Variants in MLIP observed in about 807,000 individuals in gnomAD.
MLIP encodes muscular LMNA interacting protein.
Under a neutral mutation model 84.8 loss-of-function variants are expected in MLIP, and 79 were observed. The observed-to-expected ratio is 0.93, with a 90% CI of 0.78 to 1.12. The LOEUF is 1.12. Among genes scored for constraint, MLIP ranks in the 50% most tolerant of loss-of-function variants. The pLI, the probability that MLIP is intolerant of heterozygous loss-of-function variation, is 0.00. For synonymous variants in MLIP, 504 were observed against 463.0 expected (o/e 1.09, Z -1.14); for missense variants, 1,257 against 1,160.6 (o/e 1.08, Z -1.21).
At chr6:54,157,872 G>A (rs1199245556) in intron 5 of MLIP, among the ~76,000 whole-genome samples, 3 of 152,104 alleles carry the variant, frequency 2.0e-5, no homozygotes, top group African/African-American at 4.8e-5. Context: ...GTTATGGTAA[G>A]AAAGAAGCAA....
intron 1 of MLIP, among the ~76,000 whole-genome samples, chr6:54,025,745 C>T (rs1041727613): frequency 2.0e-5 from 2 of 101,392 alleles, no homozygotes; most frequent in Non-Finnish European, 5.4e-5. Context: ...CGTTAACTCC[C>T]CTAAGCTGCC....
Position 54,160,785 on chromosome 6 carries a change from T to G in MLIP, c.2485T>G (p.Ser829Ala), listed in dbSNP as rs1348760359. 1 of 1,605,898 alleles carries G rather than the reference T, an allele frequency of 6.2e-7. No homozygotes were observed. The highest frequency in any genetic ancestry group is 2.2e-5 in the East Asian group (1 of 44,714). The part of the protein sequence containing the change: ...PSRSPKTLLG[S>A]DTVKTPTTLP... ...AAGGTCCCCAAAGACATTGTTGGGT[T>G]CTGACACAGTCAAAGTATGTATGTA... Residue 829 changes from serine (S) to alanine (A), a missense_variant, in exon 8 of 14, where the codon TCT (serine) becomes GCT (alanine). By Grantham distance (99) the Ser-to-Ala change is moderately conservative. Coordinates refer to ENST00000502396, the MANE Select transcript of MLIP (RefSeq NM_001281747.2).
At chr6:54,070,813 G>A (rs926634648) in intron 1 of MLIP, among the ~76,000 whole-genome samples, 2 of 152,024 alleles carry the variant, frequency 1.3e-5, no homozygotes, top group African/African-American at 4.8e-5. Context: ...ATGAGAACAA[G>A]TGATATTTTG....
chr6:54,034,264 G>A (rs913503708), intron 1 of MLIP, among the ~76,000 whole-genome samples: 1 of 152,144 alleles, frequency 6.6e-6, no homozygotes, highest in African/African-American at 2.4e-5. Flanking sequence ...TGAAACCCCT[G>A]ATAATCACTA....
At chr6:54,237,983 AT>A (rs1234112956) in intron 12 of MLIP, among the ~76,000 whole-genome samples, 6 of 152,302 alleles carry the variant, frequency 3.9e-5, no homozygotes, top group Non-Finnish European at 8.8e-5. Context: ...GTGGGTTAAT[AT>A]TTTAAAATTG....
intron 5 of MLIP, among the ~76,000 whole-genome samples, chr6:54,157,971 A>G (rs572032075): frequency 6.6e-5 from 10 of 152,292 alleles, no homozygotes; most frequent in African/African-American, 2.4e-4. Flanking sequence ...CAAAATTTCC[A>G]GACAATATTT....
At chr6:54,148,954 C>G (rs1773152157) in intron 4 of MLIP, 102 bp from the exon 5 acceptor site, 8 of 891,114 alleles carry the variant, frequency 9.0e-6, no homozygotes, top group South Asian at 7.7e-5. Context: ...CCCTTTTCTT[C>G]ATTTGATAAC....
At chr6:54,215,061 T>C in intron 11 of MLIP, 2 of 1,006,228 alleles carry the variant, frequency 2.0e-6, no homozygotes, top group South Asian at 2.8e-5. Context: ...GACCCTGGTC[T>C]CTGCCTTTTT....
intron 11 of MLIP, among the ~76,000 whole-genome samples, chr6:54,205,570 A>G (rs377679876): frequency 2.0e-5 from 3 of 149,614 alleles, no homozygotes; most frequent in Non-Finnish European, 1.5e-5. Context: ...CCTGACAGAA[A>G]TGTATTTACT....
At chr6:54,228,114 C>CAA (rs1202531958) in intron 11 of MLIP, among the ~76,000 whole-genome samples, 1 of 120,142 alleles carries the variant, frequency 8.3e-6, no homozygotes, top group Non-Finnish European at 1.8e-5. Flanking sequence ...ACCCCGGAGG[C>CAA]GGAGCTTGCA....
intron 3 of MLIP, among the ~76,000 whole-genome samples, chr6:54,129,442 T>G (rs1391279321): frequency 6.6e-6 from 1 of 152,164 alleles, no homozygotes; most frequent in Non-Finnish European, 1.5e-5. Context: ...ATCCTCCTTT[T>G]CACATGATCT....
At chr6:54,187,791 T>C (rs1777537231) in intron 9 of MLIP, among the ~76,000 whole-genome samples, 1 of 152,122 alleles carries the variant, frequency 6.6e-6, no homozygotes, top group African/African-American at 2.4e-5. Flanking sequence ...AGCATCAAAG[T>C]GTATATACCA....
intron 12 of MLIP, among the ~76,000 whole-genome samples, chr6:54,243,616 C>T (rs545329255): frequency 6.6e-6 from 1 of 152,210 alleles, no homozygotes; most frequent in Non-Finnish European, 1.5e-5. Context: ...TATGAAGAAA[C>T]TGAGGCTCAG....
At chr6:54,186,061 C>G (rs562281579) in intron 9 of MLIP, among the ~76,000 whole-genome samples, 138 of 152,268 alleles carry the variant, frequency 9.1e-4, no homozygotes, top group African/African-American at 3.2e-3. Context: ...ACCCAGAAAA[C>G]AAACATTGTT....
chr6:54,151,992 A>G (rs1418383165), intron 5 of MLIP, among the ~76,000 whole-genome samples: 1 of 152,088 alleles, frequency 6.6e-6, no homozygotes. Flanking sequence ...CTGTTCTGTA[A>G]TTTATTGTCT....
At chr6:54,057,438 T>C (rs1448015775) in intron 1 of MLIP, among the ~76,000 whole-genome samples, 1 of 152,232 alleles carries the variant, frequency 6.6e-6, no homozygotes, top group Non-Finnish European at 1.5e-5. Context: ...AGAAATTTTG[T>C]TACATTCTTT....
chr6:54,239,574 C>G (rs576620585), intron 12 of MLIP, among the ~76,000 whole-genome samples: 2 of 149,590 alleles, frequency 1.3e-5, no homozygotes, highest in Non-Finnish European at 3.0e-5. Context: ...AGTTCAAGAC[C>G]AGCCTGACCA....
chr6:54,121,404 C>T (rs771883821), intron 1 of MLIP, 43 bp from the exon 2 acceptor site: 1 of 1,601,404 alleles, frequency 6.2e-7, no homozygotes, highest in Admixed American at 1.7e-5. Flanking sequence ...GCAAGATAAA[C>T]CTTTGACAAG....
chr6:54,193,629 G>T (rs1399439117), intron 10 of MLIP, among the ~76,000 whole-genome samples: 1 of 152,080 alleles, frequency 6.6e-6, no homozygotes, highest in Non-Finnish European at 1.5e-5. Flanking sequence ...CTTTCACTGG[G>T]TACCTCCTGT....
Sources: allele counts gnomAD v4.1 joint callset (sites outside exome capture counted in the v4.1 genomes callset), GRCh38; gene constraint gnomAD v4.1.1; transcripts MANE v1.5; gene names NCBI Gene and HGNC (gene_info 2026-07-23, HGNC 2026-07-21).